NAA16: variants seen among roughly 807,000 people sequenced by gnomAD.
NAA16 encodes NARG1-like protein.
NAA16 carries 97 observed loss-of-function variants against 110.3 expected under a neutral mutation model. The ratio of observed to expected loss-of-function variants is 0.88; its 90% CI spans 0.75 to 1.04. NAA16 has a LOEUF of 1.04. Among genes scored for constraint, NAA16 ranks in the 50% least tolerant of loss-of-function variants. The pLI is 0.00. For missense variants in NAA16, 1,017 were observed against 1,005.1 expected, an observed-to-expected ratio of 1.01 and a Z score of -0.16; for synonymous variants, 372 against 330.6, an observed-to-expected ratio of 1.13 and a Z score of -1.36.
chr13:41,344,299 T>G (rs1226923018), intron 9 of NAA16, among the ~76,000 whole-genome samples: 1 of 152,246 alleles, frequency 6.6e-6, no homozygotes, highest in Non-Finnish European at 1.5e-5. Flanking sequence ...TTTTCTGTTT[T>G]TGTTTTCACA....
intron 10 of NAA16, among the ~76,000 whole-genome samples, chr13:41,356,622 GTA>G (rs1445178972): frequency 6.6e-6 from 1 of 152,104 alleles, no homozygotes; most frequent in Non-Finnish European, 1.5e-5. Flanking sequence ...GTTTATTTGA[GTA>G]TAGATCCAGT....
chr13:41,358,536 G>T, intron 11 of NAA16, 63 bp downstream of exon 11: 1 of 1,585,096 alleles, frequency 6.3e-7, no homozygotes, highest in Non-Finnish European at 8.6e-7. Context: ...AATCCTTGGA[G>T]TTTTTTCTTT....
chr13:41,331,573 A>G (rs1368430846), intron 8 of NAA16, among the ~76,000 whole-genome samples: 1 of 152,100 alleles, frequency 6.6e-6, no homozygotes, highest in Non-Finnish European at 1.5e-5. Flanking sequence ...AGTTATCTAT[A>G]TAAATATAAA....
At chr13:41,353,056 C>T (rs900439429) in intron 9 of NAA16, among the ~76,000 whole-genome samples, 15 of 152,054 alleles carry the variant, frequency 9.9e-5, no homozygotes, top group African/African-American at 3.4e-4. Context: ...GCGGAGGTTG[C>T]GGTGAGCAGA....
intron 10 of NAA16, 39 bp from the exon 11 acceptor site, chr13:41,358,265 C>CAA: frequency 6.5e-7 from 1 of 1,531,720 alleles, no homozygotes; most frequent in East Asian, 2.3e-5. Flanking sequence ...ATTTGCTTTA[C>CAA]ATTCTTTCTA....
At chr13:41,326,985 G>A (rs1381376138) in intron 6 of NAA16, among the ~76,000 whole-genome samples, 1 of 151,998 alleles carries the variant, frequency 6.6e-6, no homozygotes, top group Non-Finnish European at 1.5e-5. Flanking sequence ...ACATAGTTTT[G>A]CCATTTCCAA....
At chr13:41,375,048 C>T (rs149367143) in intron 19 of NAA16, among the ~76,000 whole-genome samples, 222 of 152,280 alleles carry the variant, frequency 1.5e-3, no homozygotes, top group African/African-American at 5.0e-3. Context: ...CTAGTGCTGT[C>T]ACAGAATCCA....
At chr13:41,326,081 GT>G (rs950781494) in intron 6 of NAA16, among the ~76,000 whole-genome samples, 17 of 152,204 alleles carry the variant, frequency 1.1e-4, no homozygotes, top group Middle Eastern at 3.4e-3. Flanking sequence ...AAATCATACA[GT>G]TTAGTAAACT....
intron 9 of NAA16, among the ~76,000 whole-genome samples, chr13:41,345,013 A>T (rs1361503574): frequency 6.6e-6 from 1 of 152,168 alleles, no homozygotes; most frequent in Non-Finnish European, 1.5e-5. Context: ...GGCTTCTTTT[A>T]CTTAATATTT....
At chr13:41,354,658 A>C (rs2139482494) in intron 9 of NAA16, 1 of 152,602 alleles carries the variant, frequency 6.6e-6, no homozygotes, top group Middle Eastern at 3.4e-3. Context: ...TGAAGTGAGC[A>C]CCAGACCTTA....
At position 41,374,350 on chromosome 13, in the gene NAA16, A is replaced by G. The variant is rs141975716; in HGVS notation, c.2300-392A>G. The G allele has an allele frequency of 3.3e-3, 521 of 156,130 alleles. 5 individuals are homozygous for G. Among genetic ancestry groups the G allele is most frequent in the African/African-American group, 0.011 (473 of 41,628 alleles). 9.7% of individuals were successfully genotyped at this position (156,130 alleles called of 1,614,324 possible). A position where few individuals can be genotyped will look rare whatever the true frequency, so the allele number is the denominator to read the frequency against. On this transcript the variant is annotated intron_variant, in intron 18 of 19. Coordinates refer to ENST00000379406, the MANE Select transcript of NAA16 (RefSeq NM_024561.5). ...TATTCCTTAGATGTTTTATTTTAGAATATCTTTTTTCATAGTTTTGGCTGA... is the reference window on the plus strand; with the variant it reads ...TATTCCTTAGATGTTTTATTTTAGAGTATCTTTTTTCATAGTTTTGGCTGA...
chr13:41,329,786 G>A (rs944918362), intron 7 of NAA16, among the ~76,000 whole-genome samples: 1 of 151,742 alleles, frequency 6.6e-6, no homozygotes, highest in Non-Finnish European at 1.5e-5. Context: ...GGTTAACTAC[G>A]ATTTTTCTTT....
intron 9 of NAA16, among the ~76,000 whole-genome samples, chr13:41,345,294 T>C (rs1421266001): frequency 2.0e-5 from 3 of 152,220 alleles, no homozygotes; most frequent in African/African-American, 7.2e-5. Context: ...TCCACCATTT[T>C]ACATTCTCAC....
At chr13:41,332,650 CAG>C (rs1397295077) in intron 8 of NAA16, among the ~76,000 whole-genome samples, 4 of 152,114 alleles carry the variant, frequency 2.6e-5, no homozygotes, top group Non-Finnish European at 5.9e-5. Flanking sequence ...TGACACAAGT[CAG>C]AGTCTAGAAA....
intron 9 of NAA16, among the ~76,000 whole-genome samples, chr13:41,347,240 CA>C (rs2042710642): frequency 9.7e-6 from 1 of 102,712 alleles, no homozygotes; most frequent in Non-Finnish European, 2.0e-5. Context: ...AAAACAAAAA[CA>C]AAAAAAGAAA....
chr13:41,314,917 C>G (rs2139361130), intron 1 of NAA16, among the ~76,000 whole-genome samples: 1 of 152,304 alleles, frequency 6.6e-6, no homozygotes. Context: ...GGGAAGATCA[C>G]TTGAGCTCAG....
At chr13:41,346,831 C>A (rs1207173414) in intron 9 of NAA16, among the ~76,000 whole-genome samples, 1 of 152,124 alleles carries the variant, frequency 6.6e-6, no homozygotes, top group African/African-American at 2.4e-5. Context: ...GGTTCTTTAA[C>A]ATGTTAAACA....
intron 2 of NAA16, among the ~76,000 whole-genome samples, chr13:41,317,168 G>A (rs965905571): frequency 2.6e-5 from 4 of 152,024 alleles, no homozygotes; most frequent in Non-Finnish European, 5.9e-5. Flanking sequence ...GAAAAAATTG[G>A]AGAAAGTATG....
chr13:41,326,222 A>C (rs2042090299), intron 6 of NAA16, among the ~76,000 whole-genome samples: 1 of 152,180 alleles, frequency 6.6e-6, no homozygotes, highest in African/African-American at 2.4e-5. Flanking sequence ...AACTGATGAT[A>C]CTGGGATCAT....
Sources: gnomAD v4.1 joint callset for allele counts (sites outside exome capture counted in the v4.1 genomes callset) on GRCh38, gnomAD v4.1.1 for gene constraint, MANE v1.5 for transcripts, NCBI Gene and HGNC (gene_info 2026-07-23, HGNC 2026-07-21) for gene names.